Variants in HOXB3 observed in about 807,000 individuals in gnomAD.
HOXB3 encodes homeobox protein Hox-B3.
A neutral mutation model predicts 29.2 loss-of-function variants in HOXB3; 17 were observed. The observed-to-expected ratio is 0.58, with a 90% CI of 0.40 to 0.87. The LOEUF (loss-of-function observed/expected upper bound fraction) is 0.87, where lower values mean the gene tolerates loss of function less well. Among genes scored for constraint, HOXB3 ranks in the 40% least tolerant of loss-of-function variants. The pLI is 0.00. For synonymous variants in HOXB3, 317 were observed against 285.9 expected (o/e 1.11, Z -1.10); for missense variants, 637 against 616.3 (o/e 1.03, Z -0.35).
rs144895527 is a variant in HOXB3, at chr17:48,552,248, G to A, written c.227C>T (p.Pro76Leu). ...CGACAGGGGCTCGGGGGCCAGACCC[G>A]GCCTCATGCAGCTGCCGTTGAGCTC... ...SKELNGSCMR[P>L]GLAPEPLSAP... Residue 76 changes from proline (P) to leucine (L), a missense_variant, in exon 4 of 5, where the codon CCG becomes CTG. By Grantham distance (98) the Pro-to-Leu change is moderately conservative. Transcript: ENST00000498678. 1.1e-5 allele frequency: 17 copies of A among 1,613,182 alleles called. No individual in the cohort carries two copies. The highest frequency in any genetic ancestry group is 9.3e-6 in the Non-Finnish European group (11 of 1,179,816).
In HOXB3 at chr17:48,550,286, A is replaced by T; in HGVS notation, c.*48T>A. 6.2e-7 allele frequency: 1 copy of T among 1,610,914 alleles called. No individual in the cohort carries two copies. The highest frequency in any genetic ancestry group is 2.2e-5 in the East Asian group (1 of 44,870). On this transcript the variant is annotated 3_prime_UTR_variant, in exon 5 of 5. Coordinates refer to ENST00000498678, the MANE Select transcript of HOXB3 (RefSeq NM_001384749.1). ...TCCAGGTTGCCCCCCAGAGCTCCAC[A>T]GTCTCTCTCTTCCTCCCCATCCCCT...
chr17:48,552,265 G>A lies in HOXB3; in HGVS notation c.210C>T (p.Asn70=), dbSNP rs773095518. 1 of 1,613,786 alleles carries A rather than the reference G, an allele frequency of 6.2e-7. No individual in the cohort carries two copies. Among genetic ancestry groups the A allele is most frequent in the South Asian group, 1.1e-5 (1 of 91,072 alleles). Residue 70 remains asparagine (N), a synonymous_variant, in exon 4 of 5, where the codon AAC becomes AAT. Coordinates refer to ENST00000498678, the MANE Select transcript of HOXB3 (RefSeq NM_001384749.1). ...CCAGACCCGGCCTCATGCAGCTGCCGTTGAGCTCCTTGCTCTTGGCATGTG... is the reference window on the plus strand; with the variant it reads ...CCAGACCCGGCCTCATGCAGCTGCCATTGAGCTCCTTGCTCTTGGCATGTG... The part of the protein sequence containing the change: ...AAPHAKSKEL[N]GSCMRPGLAP...
chr17:48,574,214 T>C (rs532199618), intron 1 of HOXB3, 200 bp from the exon 2 acceptor site: 60 of 228,668 alleles, frequency 2.6e-4, no homozygotes, highest in African/African-American at 1.4e-3. Flanking sequence ...TTTAGAGACA[T>C]TCCTTAGGGG....
intron 1 of HOXB3, chr17:48,577,842 A>G: frequency 4.3e-6 from 6 of 1,392,066 alleles, no homozygotes; most frequent in South Asian, 1.9e-5. Flanking sequence ...TGGGAGGGGG[A>G]AGGGGTGCCC....
rs1450812819 is a variant in HOXB3 at position 48,552,492 on chromosome 17, G to C, written c.-18C>G. On this transcript the variant is annotated 5_prime_UTR_variant, in exon 4 of 5. Transcript: ENST00000498678. ...TTCTGCATCGCTGGGTGAGGCCTGG[G>C]CAGTGGGTGGCAACTTGGAAAGGCC... 2 of 1,541,040 alleles carry C rather than the reference G, an allele frequency of 1.3e-6. No individual in the cohort carries two copies. Among genetic ancestry groups the C allele is most frequent in the South Asian group, 2.5e-5 (2 of 79,794 alleles).
At chr17:48,562,529 A>C (rs1479694979) in intron 2 of HOXB3, among the ~76,000 whole-genome samples, 1 of 152,204 alleles carries the variant, frequency 6.6e-6, no homozygotes, top group African/African-American at 2.4e-5. Flanking sequence ...GGAAATGTGT[A>C]ATCTACCTCC....
Position 48,552,044 on chromosome 17 carries a change from T to C in HOXB3, c.431A>G (p.Asn144Ser). 1.9e-6 allele frequency: 3 copies of C among 1,580,190 alleles called. No homozygotes were observed. The highest frequency in any genetic ancestry group is 1.7e-6 in the Non-Finnish European group (2 of 1,158,910). The change falls in exon 4 of 5, where the codon AAC (asparagine) becomes AGC (serine). Residue 144 changes from asparagine (N) to serine (S), a missense_variant. Transcript: ENST00000498678. ...KESRQTSKLKNNSPGTAEGCG... is the reference protein window; with the variant it reads ...KESRQTSKLKSNSPGTAEGCG... ...ACTGGTACCTGTGCCGGGGGAGTTG[T>C]TTTTCAGCTTGGACGTTTGCCTCGA...
Position 48,549,760 on chromosome 17 carries a change from G to C in HOXB3, c.*574C>G, listed in dbSNP as rs2068643952. ...GTATAGATATGAATGTTCTAGAGCA[G>C]AAAAACCGGGGGCTAGAAGTGTACC... On this transcript the variant is annotated 3_prime_UTR_variant, in exon 5 of 5. Transcript: ENST00000498678. 1 of 156,878 alleles carries C rather than the reference G, an allele frequency of 6.4e-6. No individual in the cohort carries two copies. The highest frequency in any genetic ancestry group is 1.4e-5 in the Non-Finnish European group (1 of 70,466). The allele number at this position is 156,878 out of a possible 1,614,324, so 9.7% of individuals were successfully genotyped here. A position where few individuals can be genotyped will look rare whatever the true frequency, so the allele number is the denominator to read the frequency against.
chr17:48,572,593 C>T (rs556202048), intron 2 of HOXB3, among the ~76,000 whole-genome samples: 168 of 152,238 alleles, frequency 1.1e-3, no homozygotes, highest in African/African-American at 3.9e-3. Flanking sequence ...GGAGTGGTTG[C>T]GGGGAGGATG....
chr17:48,589,407 T>G (rs537560336), intron 1 of HOXB3, among the ~76,000 whole-genome samples: 1 of 152,216 alleles, frequency 6.6e-6, no homozygotes, highest in South Asian at 2.1e-4. Context: ...GGTTTTGAAT[T>G]GGGGGAATTG....
intron 2 of HOXB3, among the ~76,000 whole-genome samples, chr17:48,567,992 A>G (rs2069445346): frequency 6.6e-6 from 1 of 152,122 alleles, no homozygotes; most frequent in South Asian, 2.1e-4. Flanking sequence ...ACCACCCCCC[A>G]GACACATCAG....
intron 4 of HOXB3, 82 bp downstream of exon 4, chr17:48,551,945 G>A: frequency 7.5e-7 from 1 of 1,338,096 alleles, no homozygotes; most frequent in East Asian, 2.3e-5. Context: ...CCTCGCGGGC[G>A]CCTAGGGGCT....
intron 1 of HOXB3, among the ~76,000 whole-genome samples, chr17:48,584,308 T>C (rs1221145498): frequency 6.6e-6 from 1 of 152,184 alleles, no homozygotes; most frequent in Non-Finnish European, 1.5e-5. Flanking sequence ...AACAAGCTAA[T>C]CTTTCAGTAG....
chr17:48,589,277 G>T (rs2070103411), intron 1 of HOXB3, among the ~76,000 whole-genome samples: 1 of 152,170 alleles, frequency 6.6e-6, no homozygotes, highest in African/African-American at 2.4e-5. Flanking sequence ...ACAGTTGAGG[G>T]ATTTGTATTC....
At chr17:48,572,018 TTGTCTC>T (rs1259376983) in intron 2 of HOXB3, among the ~76,000 whole-genome samples, 1 of 152,188 alleles carries the variant, frequency 6.6e-6, no homozygotes, top group Non-Finnish European at 1.5e-5. Flanking sequence ...CTCTTTCTCT[TTGTCTC>T]TGTCTCTCCC....
intron 1 of HOXB3, chr17:48,579,959 G>T: frequency 2.0e-6 from 1 of 511,420 alleles, no homozygotes; most frequent in Non-Finnish European, 4.0e-6. Context: ...TCTTGGCCCA[G>T]AAATTTTCCA....
chr17:48,554,081 G>C lies in HOXB3; in HGVS notation c.-158-1449C>G, dbSNP rs1175876979. On this transcript the variant is annotated intron_variant, in intron 3 of 4. Coordinates refer to ENST00000498678, the MANE Select transcript of HOXB3 (RefSeq NM_001384749.1). The surrounding 1 kb of genome is among the most constrained non-coding windows in gnomAD (Gnocchi z 4.1). Reference sequence around the variant, plus strand: ...GGTTTCTGGAAATACACATGGGTCTGCAAAGCAGCAGGTCCTTCCAGGGAG... The same window carrying C: ...GGTTTCTGGAAATACACATGGGTCTCCAAAGCAGCAGGTCCTTCCAGGGAG... Among the ~76,000 whole-genome samples, 1 of 152,224 alleles carries C rather than the reference G, an allele frequency of 6.6e-6. No individual in the cohort carries two copies. Among genetic ancestry groups the C allele is most frequent in the African/African-American group, 2.4e-5 (1 of 41,448 alleles).
At chr17:48,571,713 C>T (rs573729889) in intron 2 of HOXB3, among the ~76,000 whole-genome samples, 1 of 152,336 alleles carries the variant, frequency 6.6e-6, no homozygotes, top group Non-Finnish European at 1.5e-5. Context: ...GAATACACAT[C>T]TCCCTGAGCC....
intron 1 of HOXB3, chr17:48,574,510 G>A (rs926814058): frequency 2.6e-5 from 4 of 152,226 alleles, no homozygotes; most frequent in South Asian, 2.1e-4. Flanking sequence ...AAACGCGCGG[G>A]TGGGATTGGT....
Sources: allele counts gnomAD v4.1 joint callset (sites outside exome capture counted in the v4.1 genomes callset), GRCh38; gene constraint gnomAD v4.1.1; non-coding constraint Gnocchi (gnomAD v3.1); transcripts MANE v1.5; gene names NCBI Gene and HGNC (gene_info 2026-07-23, HGNC 2026-07-21).